DIAPH3: variants seen among roughly 807,000 people sequenced by gnomAD.
DIAPH3 encodes the protein diaphanous related formin 3, also known as protein diaphanous homolog 3.
Under a neutral mutation model 144.3 loss-of-function variants are expected in DIAPH3, and 117 were observed. The observed-to-expected ratio is 0.81, with a 90% CI of 0.70 to 0.95. The LOEUF (loss-of-function observed/expected upper bound fraction) is 0.95, where lower values mean the gene tolerates loss of function less well. Among genes scored for constraint, DIAPH3 ranks in the 40% least tolerant of loss-of-function variants. The pLI is 0.00. For missense variants in DIAPH3, 1,421 were observed against 1,412.7 expected (o/e 1.01, Z -0.09); for synonymous variants, 519 against 488.9 (o/e 1.06, Z -0.81).
At chr13:60,037,853 G>T (rs1001353751) in intron 5 of DIAPH3, among the ~76,000 whole-genome samples, 15 of 151,936 alleles carry the variant, frequency 9.9e-5, no homozygotes, top group African/African-American at 3.4e-4. Context: ...ATTTATAATA[G>T]ATATTCCTAA....
chr13:59,734,626 G>A (rs910616337), intron 27 of DIAPH3, among the ~76,000 whole-genome samples: 14 of 151,992 alleles, frequency 9.2e-5, no homozygotes, highest in East Asian at 5.8e-4. Flanking sequence ...GTCTTACACC[G>A]ACAACCAGTG....
intron 7 of DIAPH3, chr13:60,013,056 C>T: frequency 6.1e-6 from 6 of 985,268 alleles, no homozygotes; most frequent in Non-Finnish European, 6.0e-6. Context: ...TACCAGTGCT[C>T]GGATTAAAGT....
intron 21 of DIAPH3, among the ~76,000 whole-genome samples, chr13:59,863,003 A>T (rs1162342258): frequency 6.6e-6 from 1 of 152,194 alleles, no homozygotes; most frequent in South Asian, 2.1e-4. Flanking sequence ...TAGTTGATCA[A>T]ATTAACATAA....
chr13:60,115,691 G>A (rs575454882), intron 2 of DIAPH3, among the ~76,000 whole-genome samples: 7 of 151,874 alleles, frequency 4.6e-5, no homozygotes, highest in Admixed American at 4.6e-4. Flanking sequence ...TTTTATAATA[G>A]ATTTGTAAAT....
At chr13:59,760,557 A>T (rs1026280879) in intron 27 of DIAPH3, among the ~76,000 whole-genome samples, 4 of 152,226 alleles carry the variant, frequency 2.6e-5, no homozygotes, top group East Asian at 1.9e-4. Flanking sequence ...TTACTAGTTC[A>T]TCTTTCCATG....
intron 4 of DIAPH3, among the ~76,000 whole-genome samples, chr13:60,051,590 A>G (rs1373410544): frequency 6.6e-6 from 1 of 152,158 alleles, no homozygotes; most frequent in Non-Finnish European, 1.5e-5. Flanking sequence ...ATTGCACTCC[A>G]GCCTGGGCAA....
intron 24 of DIAPH3, among the ~76,000 whole-genome samples, chr13:59,827,063 TAAAACCATA>T (rs929571321): frequency 1.2e-4 from 19 of 152,256 alleles, no homozygotes; most frequent in Admixed American, 4.6e-4. Flanking sequence ...ACGTTAGACC[TAAAACCATA>T]AAAACCCTAG....
At chr13:60,080,812 T>G (rs1226911225) in intron 4 of DIAPH3, among the ~76,000 whole-genome samples, 2 of 151,952 alleles carry the variant, frequency 1.3e-5, no homozygotes, top group Non-Finnish European at 2.9e-5. Flanking sequence ...AATACACATT[T>G]ATCCAAAGTA....
intron 23 of DIAPH3, among the ~76,000 whole-genome samples, chr13:59,834,149 G>A (rs771736374): frequency 1.3e-4 from 19 of 151,780 alleles, no homozygotes; most frequent in Non-Finnish European, 2.2e-4. Context: ...GAATGTGACA[G>A]CCACTGACAT....
intron 4 of DIAPH3, among the ~76,000 whole-genome samples, chr13:60,047,465 T>C (rs1176022218): frequency 6.6e-6 from 1 of 152,162 alleles, no homozygotes; most frequent in Non-Finnish European, 1.5e-5. Flanking sequence ...TCTATAGTAA[T>C]CAAATTAGAG....
rs1334274580 is a variant in DIAPH3, at chr13:60,163,879, C to G, written c.-113G>C. The G allele has an allele frequency of 1.5e-6, 2 of 1,376,934 alleles. No homozygotes were observed. Among genetic ancestry groups the G allele is most frequent in the East Asian group, 5.0e-5 (2 of 39,760 alleles). The allele number at this position is 1,376,934 out of a possible 1,614,324, so 85.3% of individuals were successfully genotyped here. A position where few individuals can be genotyped will look rare whatever the true frequency, so the allele number is the denominator to read the frequency against. On this transcript the variant is annotated 5_prime_UTR_variant, in exon 1 of 28. Transcript: ENST00000400324. ...TCCCGGGGTCCGCCACCCAAACAGT[C>G]AGCACAGCCTAGCCCAACCGCTGAA... is the stretch of plus-strand genomic sequence containing the variant.
chr13:60,096,931 T>C (rs1339127479), intron 3 of DIAPH3, among the ~76,000 whole-genome samples: 1 of 152,202 alleles, frequency 6.6e-6, no homozygotes, highest in Non-Finnish European at 1.5e-5. Flanking sequence ...TAGCATACTG[T>C]AGGACTTCTT....
intron 3 of DIAPH3, among the ~76,000 whole-genome samples, chr13:60,098,804 C>A (rs2058181565): frequency 6.6e-6 from 1 of 152,032 alleles, no homozygotes; most frequent in African/African-American, 2.4e-5. Context: ...TGGCTGTTTA[C>A]CTCAATATAT....
intron 27 of DIAPH3, among the ~76,000 whole-genome samples, chr13:59,742,652 AAAAAG>A (rs2139057955): frequency 6.6e-6 from 1 of 152,002 alleles, no homozygotes; most frequent in East Asian, 1.9e-4. Context: ...GGAAGGAAGG[AAAAAG>A]GAAAGGAAAG....
chr13:59,798,087 C>A (rs567169304), intron 25 of DIAPH3, among the ~76,000 whole-genome samples: 1 of 152,182 alleles, frequency 6.6e-6, no homozygotes, highest in Non-Finnish European at 1.5e-5. Flanking sequence ...TGTCTCCCCA[C>A]ACCCAATCCA....
intron 5 of DIAPH3, among the ~76,000 whole-genome samples, chr13:60,024,766 T>C (rs1035656300): frequency 9.2e-5 from 14 of 152,234 alleles, no homozygotes; most frequent in African/African-American, 3.4e-4. Context: ...ACAGCTCCAG[T>C]GGAAGAAGAG....
rs907873733 is a variant in DIAPH3 at position 59,926,203 on chromosome 13, G to A, written c.2075-1333C>T. Among the ~76,000 whole-genome samples the A allele has an allele frequency of 4.0e-5, 6 of 151,568 alleles. No individual in the cohort carries two copies. In the South Asian group the frequency reaches 6.3e-4, roughly 16 times the overall value. Reference sequence around the variant, plus strand: ...GAGCCCCACTATATTGCCCAGGCTCGTCTTGAACTCCTGCCCTCAAGTGAT... The same window carrying A: ...GAGCCCCACTATATTGCCCAGGCTCATCTTGAACTCCTGCCCTCAAGTGAT... On this transcript the variant is annotated intron_variant, in intron 17 of 27. Transcript: ENST00000400324.
intron 17 of DIAPH3, among the ~76,000 whole-genome samples, chr13:59,950,079 C>T (rs1266757804): frequency 6.6e-6 from 1 of 152,084 alleles, no homozygotes; most frequent in East Asian, 1.9e-4. Flanking sequence ...AGGTGTCATG[C>T]TAAAACATAG....
intron 17 of DIAPH3, among the ~76,000 whole-genome samples, chr13:59,947,553 A>C (rs916652591): frequency 6.6e-6 from 1 of 152,116 alleles, no homozygotes; most frequent in African/African-American, 2.4e-5. Context: ...GGAGGAAGAG[A>C]AGAGTTTCAC....
Sources: gnomAD v4.1 joint callset for allele counts (sites outside exome capture counted in the v4.1 genomes callset) on GRCh38, gnomAD v4.1.1 for gene constraint, MANE v1.5 for transcripts, NCBI Gene and HGNC (gene_info 2026-07-23, HGNC 2026-07-21) for gene names.